HMCN1: variants seen among roughly 807,000 people sequenced by gnomAD.
HMCN1 encodes hemicentin 1.
Under a neutral mutation model 625.9 loss-of-function variants are expected in HMCN1, and 321 were observed. The ratio of observed to expected loss-of-function variants is 0.51; its 90% CI spans 0.47 to 0.56. The LOEUF (loss-of-function observed/expected upper bound fraction) is 0.56, where lower values mean the gene tolerates loss of function less well. Ranked by LOEUF, HMCN1 falls within the 20% of genes least tolerant of loss-of-function variation. The pLI is 0.00. For synonymous variants in HMCN1, 2,425 were observed against 2,417.6 expected (o/e 1.00, Z -0.09); for missense variants, 6,588 against 6,887.3 (o/e 0.96, Z 1.54).
chr1:185,986,160 G>T (rs111602562), intron 19 of HMCN1, among the ~76,000 whole-genome samples: 2,727 of 152,206 alleles, frequency 0.018, 88 homozygotes, highest in African/African-American at 0.062. Context: ...CTGGGGATTT[G>T]CTGGCAATTC....
intron 1 of HMCN1, among the ~76,000 whole-genome samples, chr1:185,831,901 G>A (rs533776316): frequency 4.5e-4 from 68 of 152,280 alleles, no homozygotes; most frequent in African/African-American, 1.6e-3. Flanking sequence ...ACTATAGAAA[G>A]CCTCAACATC....
At chr1:185,959,908 C>G (rs1649888565) in intron 11 of HMCN1, among the ~76,000 whole-genome samples, 1 of 151,870 alleles carries the variant, frequency 6.6e-6, no homozygotes. Flanking sequence ...TGTTCTTGCT[C>G]CATTGAAACT....
Position 186,171,318 on chromosome 1 carries a change from G to GTTTTGT in HMCN1, c.15575-15_15575-10dup. ...GGTTTCCTAATAGCATATAATGAAA[G>GTTTTGT]TTTTGTTTTATTTAACAGATATTAA... On this transcript the variant is annotated intron_variant, in intron 100 of 106. Transcript: ENST00000271588. The GTTTTGT allele has an allele frequency of 1.3e-6, 2 of 1,566,312 alleles. No individual in the cohort carries two copies. The highest frequency in any genetic ancestry group is 1.8e-6 in the Non-Finnish European group (2 of 1,136,842).
intron 2 of HMCN1, among the ~76,000 whole-genome samples, chr1:185,853,055 T>C (rs556231247): frequency 5.9e-4 from 90 of 152,230 alleles, no homozygotes; most frequent in Middle Eastern, 3.4e-3. Flanking sequence ...TTCGCTACTT[T>C]CCTTCTAAAT....
intron 1 of HMCN1, among the ~76,000 whole-genome samples, chr1:185,770,832 G>A (rs764821211): frequency 1.1e-4 from 16 of 152,132 alleles, no homozygotes; most frequent in Non-Finnish European, 2.4e-4. Flanking sequence ...TGACATTTAA[G>A]TGCAGGGCCT....
In HMCN1 at chr1:185,846,130, A is replaced by G. The variant is rs1661799134; in HGVS notation, c.339+34A>G. The G allele has an allele frequency of 4.2e-6, 6 of 1,426,458 alleles. No homozygotes were observed. In the East Asian group the frequency reaches 1.4e-4, roughly 32 times the overall value. The allele number at this position is 1,426,458 out of a possible 1,614,324, so 88.4% of individuals were successfully genotyped here. On this transcript the variant is annotated intron_variant, in intron 2 of 106. Coordinates refer to ENST00000271588, the MANE Select transcript of HMCN1 (RefSeq NM_031935.3). ...TTGCTTTCAGTGTTCTCTTGGGGGA[A>G]TGGAAAATCATGAGCCTTTGGCTGA...
At chr1:186,025,068 C>T (rs6679262) in intron 36 of HMCN1, among the ~76,000 whole-genome samples, 94,301 of 151,966 alleles carry the variant, frequency 0.62, 30,172 homozygotes, top group African/African-American at 0.79. Context: ...CTGGGGGTAA[C>T]GGGAAACAGT....
intron 15 of HMCN1, among the ~76,000 whole-genome samples, chr1:185,975,566 C>A (rs966569986): frequency 1.3e-5 from 2 of 152,088 alleles, no homozygotes. Context: ...TACGATTCAA[C>A]ATGAGATTTG....
At chr1:186,014,115 G>T (rs1439051965) in intron 30 of HMCN1, among the ~76,000 whole-genome samples, 2 of 152,082 alleles carry the variant, frequency 1.3e-5, no homozygotes, top group African/African-American at 4.8e-5. Context: ...AGGTCTCAGT[G>T]ATAAGTCATG....
At chr1:186,084,477 A>G (rs1048802160) in intron 57 of HMCN1, among the ~76,000 whole-genome samples, 1 of 152,078 alleles carries the variant, frequency 6.6e-6, no homozygotes, top group African/African-American at 2.4e-5. Context: ...CATTACTTAA[A>G]TGTTGGAAAA....
intron 1 of HMCN1, among the ~76,000 whole-genome samples, chr1:185,758,197 G>A (rs1023284161): frequency 6.6e-5 from 10 of 152,142 alleles, no homozygotes; most frequent in Admixed American, 3.9e-4. Context: ...CATTATGTTT[G>A]TAAAATGAAT....
chr1:186,014,239 T>G (rs1654200510), intron 30 of HMCN1, among the ~76,000 whole-genome samples: 1 of 151,904 alleles, frequency 6.6e-6, no homozygotes, highest in African/African-American at 2.4e-5. Flanking sequence ...CTATCAAATA[T>G]TCTATTCTAA....
chr1:185,738,122 A>G (rs998612711), intron 1 of HMCN1, among the ~76,000 whole-genome samples: 3 of 152,270 alleles, frequency 2.0e-5, no homozygotes, highest in Admixed American at 1.3e-4. Flanking sequence ...ATCACACTTA[A>G]TGTATTTATT....
At chr1:185,915,110 G>C (rs561868851) in intron 6 of HMCN1, among the ~76,000 whole-genome samples, 272 of 152,110 alleles carry the variant, frequency 1.8e-3, no homozygotes, top group South Asian at 3.5e-3. Context: ...CTTTCACTAA[G>C]CAGAGATAAA....
At chr1:185,983,797 T>C (rs1651823153) in intron 18 of HMCN1, among the ~76,000 whole-genome samples, 1 of 152,202 alleles carries the variant, frequency 6.6e-6, no homozygotes, top group Non-Finnish European at 1.5e-5. Context: ...GGCTTGCTAG[T>C]GGTAATAAGG....
intron 70 of HMCN1, among the ~76,000 whole-genome samples, chr1:186,107,647 A>G (rs1660671609): frequency 6.6e-6 from 1 of 151,990 alleles, no homozygotes; most frequent in Non-Finnish European, 1.5e-5. Flanking sequence ...TTGGAGGTTT[A>G]GGCTATTTCT....
At chr1:185,756,966 C>T (rs1655172547) in intron 1 of HMCN1, among the ~76,000 whole-genome samples, 1 of 150,690 alleles carries the variant, frequency 6.6e-6, no homozygotes, top group African/African-American at 2.5e-5. Context: ...CAGCAGCTTC[C>T]CATAGATTTA....
At chr1:186,004,807 A>G (rs192812177) in intron 29 of HMCN1, among the ~76,000 whole-genome samples, 26 of 152,280 alleles carry the variant, frequency 1.7e-4, no homozygotes, top group Admixed American at 5.2e-4. Context: ...AGGCTTGTAC[A>G]TTGATATTTA....
intron 1 of HMCN1, among the ~76,000 whole-genome samples, chr1:185,794,601 ATTTTT>A: frequency 9.0e-6 from 1 of 111,206 alleles, no homozygotes; most frequent in African/African-American, 3.7e-5. Context: ...GTCTTTACAC[ATTTTT>A]TTTTTTTTTT....
Sources: allele counts gnomAD v4.1 joint callset (sites outside exome capture counted in the v4.1 genomes callset), GRCh38; gene constraint gnomAD v4.1.1; transcripts MANE v1.5; gene names NCBI Gene and HGNC (gene_info 2026-07-23, HGNC 2026-07-21).